TTC22: variants seen among roughly 807,000 people sequenced by gnomAD.
TTC22 encodes the protein tetratricopeptide repeat protein 22.
In TTC22, 42 loss-of-function variants were observed where a neutral mutation model predicts 48.2. The ratio of observed to expected loss-of-function variants is 0.87; its 90% CI spans 0.68 to 1.13. The LOEUF (loss-of-function observed/expected upper bound fraction) is 1.13. Among genes scored for constraint, TTC22 ranks in the 50% most tolerant of loss-of-function variants. The probability of loss-of-function intolerance (pLI) is 0.00; values close to 1 mark genes in which losing one functional copy is unlikely to be tolerated. For missense variants in TTC22, 784 were observed against 807.0 expected (o/e 0.97, Z 0.34); for synonymous variants, 345 against 365.5 (o/e 0.94, Z 0.64).
intron 4 of TTC22, 147 bp from the exon 5 acceptor site, chr1:54,786,291 C>T (rs146616063): frequency 3.2e-4 from 220 of 685,240 alleles, no homozygotes; most frequent in East Asian, 5.9e-4. Context: ...TATCCACCTG[C>T]CAGTAAGTTG....
intron 2 of TTC22, 97 bp downstream of exon 2, chr1:54,787,945 G>A: frequency 6.8e-7 from 1 of 1,470,942 alleles, no homozygotes; most frequent in African/African-American, 1.4e-5. Context: ...TTTCCAGTAG[G>A]AAGGGCCCAG....
chr1:54,781,568 T>C lies in TTC22; in HGVS notation c.1385A>G (p.Asp462Gly). The C allele has an allele frequency of 2.0e-6, 3 of 1,522,968 alleles. No homozygotes were observed. Among genetic ancestry groups the C allele is most frequent in the Non-Finnish European group, 2.6e-6 (3 of 1,142,044 alleles). The allele number at this position is 1,522,968 out of a possible 1,614,324, so 94.3% of individuals were successfully genotyped here. ...GTCGGTGTGGCTGGAGCCCGCGTCG[T>C]CCAGCTCCACTGCGCGCTTGAAGCA... The part of the protein sequence containing the change: ...AACFKRAVEL[D>G]DAGSSHTDGF... Residue 462 changes from aspartate to glycine, a missense_variant, in exon 7 of 7, where the codon GAC becomes GGC. Transcript: ENST00000371276.
At chr1:54,788,993 C>T (rs1033627558) in intron 1 of TTC22, among the ~76,000 whole-genome samples, 16 of 152,230 alleles carry the variant, frequency 1.1e-4, no homozygotes, top group African/African-American at 3.1e-4. Context: ...TCAGTGCCTG[C>T]ATGTGCCAGG....
intron 5 of TTC22, among the ~76,000 whole-genome samples, 176 bp from the exon 6 acceptor site, chr1:54,782,653 G>A (rs1281396755): frequency 6.6e-6 from 1 of 152,170 alleles, no homozygotes; most frequent in East Asian, 1.9e-4. Flanking sequence ...GGACCAACTT[G>A]GGTTAGCCAT....
chr1:54,787,054 C>T lies in TTC22; in HGVS notation c.761G>A (p.Gly254Glu). The change falls in exon 4 of 7, where the codon GGG becomes GAG. Residue 254 changes from glycine (G) to glutamate (E), a missense_variant. Transcript: ENST00000371276. ...GGTGTCCTTCCGCTCCAGCAGCATC[C>T]CGAGGTAGCACCAGGCCAGGGCTGG... Reference protein sequence around the residue: ...RHRALAWCYLGMLLERKDTFS... With the variant: ...RHRALAWCYLEMLLERKDTFS... 6.5e-7 allele frequency: 1 copy of T among 1,534,992 alleles called. No individual in the cohort carries two copies. The highest frequency in any genetic ancestry group is 8.8e-7 in the Non-Finnish European group (1 of 1,139,440).
rs190746458 is a variant in TTC22, at chr1:54,800,029, C to T, written c.567+568G>A. Among the ~76,000 whole-genome samples the T allele has an allele frequency of 2.8e-3, 420 of 152,284 alleles. 1 individual carries two copies. The highest frequency in any genetic ancestry group is 9.8e-3 in the African/African-American group (406 of 41,562). ...CTAACCCAGGGTCAGCTCTCTTAAC[C>T]CCTACCCTGCATGCTGTCCTTAAGT... On this transcript the variant is annotated intron_variant, in intron 1 of 6. Transcript: ENST00000371276.
In TTC22 at chr1:54,801,076, G is replaced by GCATCTC; in HGVS notation, c.82_87dup (p.Glu28_Met29dup). 1.2e-6 allele frequency: 2 copies of GCATCTC among 1,612,698 alleles called. No individual in the cohort carries two copies. Among genetic ancestry groups the GCATCTC allele is most frequent in the Non-Finnish European group, 1.7e-6 (2 of 1,179,790 alleles). On this transcript the variant is annotated inframe_insertion, in exon 1 of 7. Transcript: ENST00000371276. ...GGCGAGCGCGGCTCGAAGTTCAACT[G>GCATCTC]CATCTCCAGGTGAAAGTGGCCCGGG...
intron 1 of TTC22, among the ~76,000 whole-genome samples, chr1:54,792,383 G>A (rs1191010993): frequency 6.6e-6 from 1 of 151,876 alleles, no homozygotes; most frequent in Non-Finnish European, 1.5e-5. Flanking sequence ...TGGTGAAGCT[G>A]GTGTTGGCTG....
At position 54,788,013 on chromosome 1, in the gene TTC22, C is replaced by A. The variant is rs764413093; in HGVS notation, c.623+29G>T. On this transcript the variant is annotated intron_variant, in intron 2 of 6. Transcript: ENST00000371276. ...CAGGCCACACCTCTCCCTCTTCCAT[C>A]CCGTACCCCCACCACCCTCTTGCCT... 3.1e-6 allele frequency: 5 copies of A among 1,610,218 alleles called. No individual in the cohort carries two copies. The African/African-American group carries it at 6.7e-5, about 22-fold the overall frequency.
chr1:54,791,649 C>A (rs984718567), intron 1 of TTC22, among the ~76,000 whole-genome samples: 1 of 152,128 alleles, frequency 6.6e-6, no homozygotes, highest in African/African-American at 2.4e-5. Context: ...TGTCCTCTCC[C>A]AACTATGCTC....
At chr1:54,793,161 G>C (rs538091687) in intron 1 of TTC22, 1 of 152,306 alleles carries the variant, frequency 6.6e-6, no homozygotes, top group African/African-American at 2.4e-5. Flanking sequence ...AGGCTGGCCA[G>C]CGTGTGAGTC....
chr1:54,793,332 C>G (rs962964768), intron 1 of TTC22, among the ~76,000 whole-genome samples: 1 of 152,178 alleles, frequency 6.6e-6, no homozygotes, highest in Admixed American at 6.5e-5. Flanking sequence ...GTGTTCTCAG[C>G]ACACCTCCCA....
At position 54,779,891 on chromosome 1, in the gene TTC22, TCA is replaced by T. The variant is rs1646249392; in HGVS notation, c.*1350_*1351del. The T allele has an allele frequency of 6.6e-6, 1 of 152,186 alleles. No individual in the cohort carries two copies. The highest frequency in any genetic ancestry group is 1.5e-5 in the Non-Finnish European group (1 of 68,054). The allele number at this position is 152,186 out of a possible 1,614,324, so 9.4% of individuals were successfully genotyped here. On this transcript the variant is annotated 3_prime_UTR_variant, in exon 7 of 7. Coordinates refer to ENST00000371276, the MANE Select transcript of TTC22 (RefSeq NM_001114108.2). Reference sequence around the variant, plus strand: ...TGTGTGGTCTCTAAGGCACTGAATTTCAGTCTGTTCTCCATCCATCAGTGGAT... The same window carrying T: ...TGTGTGGTCTCTAAGGCACTGAATTTGTCTGTTCTCCATCCATCAGTGGAT...
chr1:54,794,187 T>C (rs1646373668), intron 1 of TTC22, among the ~76,000 whole-genome samples: 1 of 152,016 alleles, frequency 6.6e-6, no homozygotes, highest in Non-Finnish European at 1.5e-5. Flanking sequence ...AGTAAAAGGA[T>C]CAGAAATTGT....
chr1:54,781,289 C>G lies in TTC22; in HGVS notation c.1664G>C (p.Gly555Ala). ...RLLFETMERE[G>A]EGASAPRDRR... ...GTCCCGCGGCGCGCTGGCGCCCTCG[C>G]CCTCGCGCTCCATGGTCTCGAAGAG... The change falls in exon 7 of 7, where the codon GGC becomes GCC. Residue 555 changes from glycine to alanine, a missense_variant. Coordinates refer to ENST00000371276, the MANE Select transcript of TTC22 (RefSeq NM_001114108.2). The G allele has an allele frequency of 6.8e-7, 1 of 1,476,924 alleles. No homozygotes were observed. Among genetic ancestry groups the G allele is most frequent in the Non-Finnish European group, 8.9e-7 (1 of 1,122,428 alleles). 91.5% of individuals were successfully genotyped at this position (1,476,924 alleles called of 1,614,324 possible). A position where few individuals can be genotyped will look rare whatever the true frequency, so the allele number is the denominator to read the frequency against.
Position 54,787,806 on chromosome 1 carries a change from T to C in TTC22, c.644A>G (p.Glu215Gly). Reference sequence around the variant, plus strand: ...TCTCTTCTGCTCCTCACTGCCCAGCTCCAGGAAGATGCCATCTAGCCTGTG... The same window carrying C: ...TCTCTTCTGCTCCTCACTGCCCAGCCCCAGGAAGATGCCATCTAGCCTGTG... ...LYIRLDGIFL[E>G]LGSEEQKRLP... Residue 215 changes from glutamate to glycine, a missense_variant, in exon 3 of 7, where the codon GAG becomes GGG. By Grantham distance (98) the Glu-to-Gly change is moderately conservative. Transcript: ENST00000371276. 1 of 1,611,040 alleles carries C rather than the reference T, an allele frequency of 6.2e-7. No individual in the cohort carries two copies. Among genetic ancestry groups the C allele is most frequent in the Non-Finnish European group, 8.5e-7 (1 of 1,178,628 alleles).
chr1:54,791,958 T>A (rs1162992920), intron 1 of TTC22, among the ~76,000 whole-genome samples: 2 of 151,988 alleles, frequency 1.3e-5, no homozygotes, highest in East Asian at 3.9e-4. Context: ...CGAAGTGGCT[T>A]ACCTAAGGTT....
At chr1:54,784,821 A>G in intron 5 of TTC22, 2 of 1,299,848 alleles carry the variant, frequency 1.5e-6, no homozygotes, top group Non-Finnish European at 2.0e-6. Context: ...CGGCTTCCTC[A>G]AGCACATGGG....
chr1:54,787,983 G>C, intron 2 of TTC22, 59 bp downstream of exon 2: 2 of 1,572,636 alleles, frequency 1.3e-6, no homozygotes, highest in Non-Finnish European at 1.7e-6. Flanking sequence ...CTGCTGGCTG[G>C]GTGCCAGGCC....
Sources: allele counts gnomAD v4.1 joint callset (sites outside exome capture counted in the v4.1 genomes callset), GRCh38; gene constraint gnomAD v4.1.1; transcripts MANE v1.5; gene names NCBI Gene and HGNC (gene_info 2026-07-23, HGNC 2026-07-21).